The following RANBP2 variants were observed in gnomAD, a reference collection of about 807,000 sequenced individuals.
The protein encoded by RANBP2 is E3 SUMO-protein ligase RanBP2.
Under a neutral mutation model 303.6 loss-of-function variants are expected in RANBP2, and 57 were observed. The observed-to-expected ratio is 0.19, with a 90% CI of 0.15 to 0.23. The LOEUF is 0.23. Among genes scored for constraint, RANBP2 ranks in the 10% least tolerant of loss-of-function variants. The probability of loss-of-function intolerance (pLI) is 1.00; values close to 1 mark genes in which losing one functional copy is unlikely to be tolerated. For missense variants in RANBP2, 3,138 were observed against 3,780.8 expected (o/e 0.83, Z 4.46); for synonymous variants, 1,167 against 1,301.5 (o/e 0.90, Z 2.23).
chr2:108,987,443 G>A, the RANBP2 span, among the ~76,000 whole-genome samples: 10 of 152,226 alleles, frequency 6.6e-5, no homozygotes, highest in Non-Finnish European at 1.5e-4. Flanking sequence ...AGGCAAGAGG[G>A]TACCATGATG....
At chr2:108,996,639 C>T in the RANBP2 span, among the ~76,000 whole-genome samples, 1 of 152,178 alleles carries the variant, frequency 6.6e-6, no homozygotes, top group Admixed American at 6.5e-5. Flanking sequence ...GGAGCCCAAG[C>T]CTGCTGTGCT....
chr2:108,890,059 T>C, the RANBP2 span, among the ~76,000 whole-genome samples: 2 of 152,138 alleles, frequency 1.3e-5, no homozygotes, highest in Non-Finnish European at 2.9e-5. Context: ...AGCATTTGCT[T>C]GTCTAGGAAA....
the RANBP2 span, among the ~76,000 whole-genome samples, chr2:109,466,009 T>A: frequency 6.6e-6 from 1 of 151,752 alleles, no homozygotes; most frequent in African/African-American, 2.4e-5. Context: ...GGGACACAGG[T>A]TCAAACCATA....
the RANBP2 span, among the ~76,000 whole-genome samples, chr2:109,550,687 A>C: frequency 5.3e-5 from 8 of 152,168 alleles, no homozygotes; most frequent in Non-Finnish European, 8.8e-5. Flanking sequence ...ACTTCCATCT[A>C]AACTCTGTGT....
chr2:109,288,684 G>C, the RANBP2 span, among the ~76,000 whole-genome samples: 1 of 152,094 alleles, frequency 6.6e-6, no homozygotes, highest in Non-Finnish European at 1.5e-5. Context: ...TTTTCTCTTT[G>C]CCGGGAGCCT....
At chr2:108,939,305 G>T in the RANBP2 span, among the ~76,000 whole-genome samples, 1 of 152,082 alleles carries the variant, frequency 6.6e-6, no homozygotes, top group African/African-American at 2.4e-5. Flanking sequence ...TCCTGCCTCA[G>T]CCTCCGTAGT....
At chr2:109,211,743 T>C in the RANBP2 span, among the ~76,000 whole-genome samples, 1 of 151,864 alleles carries the variant, frequency 6.6e-6, no homozygotes, top group Non-Finnish European at 1.5e-5. Context: ...CTGCTGGGTT[T>C]AAGCAGTTCT....
chr2:108,908,121 G>A, the RANBP2 span: 11,701 of 1,316,632 alleles, frequency 8.9e-3, 765 homozygotes, highest in African/African-American at 0.15. Context: ...TGTGGACAGT[G>A]GGGGGCAATG....
At chr2:109,681,751 C>A in the RANBP2 span, among the ~76,000 whole-genome samples, 1 of 152,234 alleles carries the variant, frequency 6.6e-6, no homozygotes, top group African/African-American at 2.4e-5. Context: ...CTGGCCCCAA[C>A]ATGTCCCCAC....
the RANBP2 span, among the ~76,000 whole-genome samples, chr2:108,909,978 T>A: frequency 6.6e-6 from 1 of 152,232 alleles, no homozygotes; most frequent in Non-Finnish European, 1.5e-5. Context: ...GCTCCTGGGC[T>A]GTGGAGGGAG....
At chr2:109,598,056 TTTTTG>T in the RANBP2 span, among the ~76,000 whole-genome samples, 4 of 152,096 alleles carry the variant, frequency 2.6e-5, 1 homozygote, top group African/African-American at 9.7e-5. Flanking sequence ...GCTTTATGTT[TTTTTG>T]TTTTGTTTTG....
chr2:109,468,298 C>G, the RANBP2 span, among the ~76,000 whole-genome samples: 1 of 152,180 alleles, frequency 6.6e-6, no homozygotes, highest in Non-Finnish European at 1.5e-5. Flanking sequence ...GCGGCAAGTA[C>G]CGTGTGTCTA....
the RANBP2 span, among the ~76,000 whole-genome samples, chr2:109,098,918 GCT>G: frequency 6.6e-6 from 1 of 152,184 alleles, no homozygotes; most frequent in African/African-American, 2.4e-5. Context: ...GTTGTAGATT[GCT>G]CTGAGTTTGT....
chr2:109,034,539 A>C, the RANBP2 span, among the ~76,000 whole-genome samples: 5 of 152,164 alleles, frequency 3.3e-5, no homozygotes, highest in African/African-American at 9.7e-5. Context: ...AGGCAGAGGG[A>C]GGCACAGTGA....
At chr2:109,040,883 G>C in the RANBP2 span, among the ~76,000 whole-genome samples, 2 of 151,912 alleles carry the variant, frequency 1.3e-5, no homozygotes, top group South Asian at 4.2e-4. Flanking sequence ...GTGAAACCCC[G>C]TATCTACTAA....
At chr2:108,871,337 A>C in the RANBP2 span, among the ~76,000 whole-genome samples, 2 of 143,218 alleles carry the variant, frequency 1.4e-5, no homozygotes, top group Non-Finnish European at 3.0e-5. Flanking sequence ...GTTCAAGCCC[A>C]GCCTGGCCAA....
At chr2:109,543,932 T>C in the RANBP2 span, 3 of 545,452 alleles carry the variant, frequency 5.5e-6, no homozygotes, top group East Asian at 6.1e-5. Flanking sequence ...ACCTTATACA[T>C]ATAGCCTGAA....
the RANBP2 span, among the ~76,000 whole-genome samples, chr2:109,219,855 G>A: frequency 6.6e-6 from 1 of 152,174 alleles, no homozygotes; most frequent in Non-Finnish European, 1.5e-5. Context: ...ACTACTCAAA[G>A]TGATCTACAG....
the RANBP2 span, among the ~76,000 whole-genome samples, chr2:109,442,469 C>T: frequency 9.9e-5 from 15 of 152,158 alleles, no homozygotes; most frequent in Non-Finnish European, 1.8e-4. Flanking sequence ...AAGATGTTTT[C>T]TTATTATTTG....
Sources: allele counts gnomAD v4.1 joint callset (sites outside exome capture counted in the v4.1 genomes callset), GRCh38; gene constraint gnomAD v4.1.1; transcripts MANE v1.5; gene names NCBI Gene and HGNC (gene_info 2026-07-23, HGNC 2026-07-21).